Variants in WDR70 observed in about 807,000 individuals in gnomAD.
WDR70 encodes WD repeat domain 70.
Under a neutral mutation model 88.6 loss-of-function variants are expected in WDR70, and 53 were observed. The ratio of observed to expected loss-of-function variants is 0.60; its 90% CI spans 0.48 to 0.75. The LOEUF (loss-of-function observed/expected upper bound fraction) is 0.75, where lower values mean the gene tolerates loss of function less well. Ranked by LOEUF, WDR70 falls within the 30% of genes least tolerant of loss-of-function variation. WDR70 has a pLI of 0.00. For missense variants in WDR70, 610 were observed against 823.2 expected (o/e 0.74, Z 3.17); for synonymous variants, 280 against 270.0 (o/e 1.04, Z -0.36).
intron 7 of WDR70, among the ~76,000 whole-genome samples, chr5:37,454,313 GT>G (rs1036969666): frequency 2.0e-5 from 3 of 151,796 alleles, no homozygotes; most frequent in Admixed American, 6.6e-5. Context: ...GATATGTTTA[GT>G]TTTTTTTAAA....
intron 9 of WDR70, among the ~76,000 whole-genome samples, chr5:37,576,312 G>A (rs568112132): frequency 9.3e-4 from 142 of 151,934 alleles, no homozygotes; most frequent in Middle Eastern, 3.4e-3. Context: ...AGATTAGGAG[G>A]TTTCACTTGT....
At chr5:37,526,411 G>C (rs1473029637) in intron 9 of WDR70, among the ~76,000 whole-genome samples, 3 of 152,054 alleles carry the variant, frequency 2.0e-5, no homozygotes, top group Non-Finnish European at 4.4e-5. Context: ...ATGCAGAAAA[G>C]GCCTTTGACA....
chr5:37,396,856 G>C (rs1749029950), intron 5 of WDR70, among the ~76,000 whole-genome samples: 1 of 152,006 alleles, frequency 6.6e-6, no homozygotes, highest in African/African-American at 2.4e-5. Context: ...CCAAACCGAG[G>C]AAAAAGGCCG....
At position 37,528,908 on chromosome 5, in the gene WDR70, G is replaced by GT. The variant is rs1228946391; in HGVS notation, c.917+12333dup. The stretch of plus-strand genomic sequence containing the variant: ...TTGCCTAAGCCAATGTCTAGAGGGG[G>GT]TTTTTTTTTTTTTTTGATGTTATCT... On this transcript the variant is annotated intron_variant, in intron 9 of 17. Transcript: ENST00000265107. Among the ~76,000 whole-genome samples the GT allele has an allele frequency of 2.2e-3, 304 of 137,570 alleles. 1 individual carries two copies. Among genetic ancestry groups the GT allele is most frequent in the Middle Eastern group, 0.015 (4 of 260 alleles). 90.3% of individuals were successfully genotyped at this position (137,570 alleles called of 152,430 possible).
intron 9 of WDR70, among the ~76,000 whole-genome samples, chr5:37,603,234 A>G (rs754025569): frequency 6.6e-6 from 1 of 152,192 alleles, no homozygotes; most frequent in Non-Finnish European, 1.5e-5. Context: ...ACATCACATC[A>G]CACTCCCTGA....
At chr5:37,723,380 A>G (rs1747882434) in intron 15 of WDR70, 1 of 181,828 alleles carries the variant, frequency 5.5e-6, no homozygotes. Flanking sequence ...CTGAAATTCT[A>G]TGACCATGTG....
chr5:37,444,948 G>T (rs1738410897), intron 7 of WDR70, among the ~76,000 whole-genome samples: 1 of 152,068 alleles, frequency 6.6e-6, no homozygotes, highest in South Asian at 2.1e-4. Flanking sequence ...TGCTATTGTT[G>T]ATCTGACAGG....
At chr5:37,500,716 C>T (rs1307752923) in intron 8 of WDR70, among the ~76,000 whole-genome samples, 45 of 63,242 alleles carry the variant, frequency 7.1e-4, no homozygotes, top group South Asian at 2.1e-3. Flanking sequence ...TATTTGTTGG[C>T]TTTTTTTTTT....
In WDR70 at chr5:37,751,525, G is replaced by A. The variant is rs374657727; in HGVS notation, c.1878-961G>A. Among the ~76,000 whole-genome samples the A allele has an allele frequency of 3.0e-4, 45 of 152,282 alleles. 2 individuals are homozygous for A. In the South Asian group the frequency reaches 9.1e-3, roughly 31 times the overall value. On this transcript the variant is annotated intron_variant, in intron 17 of 17. Transcript: ENST00000265107. Reference sequence around the variant, plus strand: ...GCTTTTTCCCCAGGATAATAAAAAAGCAGCAAGAGGGAATATAAAGTTTAT... The same window carrying A: ...GCTTTTTCCCCAGGATAATAAAAAAACAGCAAGAGGGAATATAAAGTTTAT...
At chr5:37,633,114 C>T (rs1258907443) in intron 10 of WDR70, among the ~76,000 whole-genome samples, 2 of 152,130 alleles carry the variant, frequency 1.3e-5, no homozygotes, top group Admixed American at 1.3e-4. Flanking sequence ...TGTATAAGTA[C>T]ACTCTGTGAT....
chr5:37,383,261 C>T (rs1238099368), intron 3 of WDR70, among the ~76,000 whole-genome samples: 3 of 152,024 alleles, frequency 2.0e-5, no homozygotes, highest in South Asian at 2.1e-4. Context: ...AAAAACCTTT[C>T]ATTATTTGTT....
intron 5 of WDR70, among the ~76,000 whole-genome samples, chr5:37,399,307 T>C (rs974645400): frequency 6.6e-6 from 1 of 151,542 alleles, no homozygotes; most frequent in Non-Finnish European, 1.5e-5. Flanking sequence ...TAGCCAGGCA[T>C]GGTGACAGGA....
intron 13 of WDR70, among the ~76,000 whole-genome samples, chr5:37,710,786 A>T (rs1747488649): frequency 6.6e-6 from 1 of 152,126 alleles, no homozygotes; most frequent in African/African-American, 2.4e-5. Flanking sequence ...TTTGTTTGCC[A>T]TAGATTTTTT....
intron 9 of WDR70, among the ~76,000 whole-genome samples, chr5:37,535,348 G>A (rs185047612): frequency 1.3e-5 from 2 of 152,064 alleles, no homozygotes; most frequent in Admixed American, 1.3e-4. Flanking sequence ...GCATATTTGA[G>A]GGAAAGAAAA....
At chr5:37,431,379 CT>C (rs928038477) in intron 5 of WDR70, among the ~76,000 whole-genome samples, 2 of 151,234 alleles carry the variant, frequency 1.3e-5, no homozygotes, top group Non-Finnish European at 2.9e-5. Context: ...TATAATTCCT[CT>C]TTTTTTTTCT....
At chr5:37,612,760 T>G (rs1470268390) in intron 10 of WDR70, among the ~76,000 whole-genome samples, 1 of 152,208 alleles carries the variant, frequency 6.6e-6, no homozygotes, top group Non-Finnish European at 1.5e-5. Context: ...TGTATGCAAA[T>G]GTAACCACCA....
chr5:37,471,939 A>G (rs1739338339), intron 7 of WDR70, among the ~76,000 whole-genome samples: 2 of 151,892 alleles, frequency 1.3e-5, no homozygotes, highest in Admixed American at 6.6e-5. Flanking sequence ...TATGTTGAAT[A>G]GAAGTGTTGA....
At chr5:37,715,957 A>G (rs911009468) in intron 13 of WDR70, among the ~76,000 whole-genome samples, 2 of 152,090 alleles carry the variant, frequency 1.3e-5, no homozygotes, top group African/African-American at 2.4e-5. Context: ...AATGTGTTGG[A>G]TAGTCCCAAG....
rs745321718 is a variant in WDR70, at chr5:37,437,961, C to T, written c.532C>T (p.Leu178=). 2.5e-6 allele frequency: 4 copies of T among 1,610,756 alleles called. No individual in the cohort carries two copies. In the South Asian group the frequency reaches 3.3e-5, roughly 13 times the overall value. The part of the protein sequence containing the change: ...HKIPDSHEIT[L]KHGTKTVSAL... The stretch of plus-strand genomic sequence containing the variant: ...GATTCCTGACTCGCATGAGATAACG[C>T]TGAAGCATGGCACTAAAACAGTAAG... Residue 178 remains leucine (L), a synonymous_variant, in exon 6 of 18, where the codon CTG becomes TTG. Transcript: ENST00000265107.
Sources: gnomAD v4.1 joint callset for allele counts (sites outside exome capture counted in the v4.1 genomes callset) on GRCh38, gnomAD v4.1.1 for gene constraint, MANE v1.5 for transcripts, NCBI Gene and HGNC (gene_info 2026-07-23, HGNC 2026-07-21) for gene names.